The following C10orf143 variants were observed in gnomAD, a reference collection of about 807,000 sequenced individuals.
C10orf143 encodes the protein uncharacterized protein C10orf143.
intron 3 of C10orf143, among the ~76,000 whole-genome samples, chr10:130,042,289 G>A (rs545283563): frequency 4.6e-5 from 7 of 152,338 alleles, no homozygotes; most frequent in Admixed American, 3.9e-4. Context: ...CTTTCACGCC[G>A]TTTGTTAGCT....
Position 130,101,848 on chromosome 10 carries a change from TCAAAAAAAAAAAAAAC to T in C10orf143, c.69+8840_69+8855del, listed in dbSNP as rs1256456678. Among the ~76,000 whole-genome samples, 58 of 17,776 alleles carry T rather than the reference TCAAAAAAAAAAAAAAC, an allele frequency of 3.3e-3. 2 individuals carry two copies. The highest frequency in any genetic ancestry group is 0.021 in the South Asian group (7 of 340). The allele number at this position is 17,776 out of a possible 152,430, so 11.7% of individuals were successfully genotyped here. ...CCTGGTGACAGAGGGAGACTCTGTC[TCAAAAAAAAAAAAAAC>T]CAAAAAAAAAAAAAAAAAAAACTTT... On this transcript the variant is annotated intron_variant, in intron 1 of 3. Coordinates refer to ENST00000637128, the MANE Select transcript of C10orf143 (RefSeq NM_001355042.2).
chr10:130,107,551 A>ATTGGAT, intron 1 of C10orf143: 1 of 1,344,760 alleles, frequency 7.4e-7, no homozygotes, highest in Non-Finnish European at 1.1e-6. Flanking sequence ...ATCCTTATGT[A>ATTGGAT]CTTGATGTTC....
chr10:130,071,428 T>C (rs11816228), intron 3 of C10orf143, among the ~76,000 whole-genome samples: 5,223 of 152,274 alleles, frequency 0.034, 283 homozygotes, highest in African/African-American at 0.12. Context: ...TTTATATTTA[T>C]TGGCTATTTT....
intron 3 of C10orf143, among the ~76,000 whole-genome samples, chr10:130,055,668 G>A (rs1012357909): frequency 1.3e-5 from 2 of 152,106 alleles, no homozygotes; most frequent in Admixed American, 6.5e-5. Flanking sequence ...TCACCTGGCC[G>A]GGCACGGTGG....
intron 3 of C10orf143, among the ~76,000 whole-genome samples, chr10:130,043,998 A>G (rs1860637072): frequency 6.8e-6 from 1 of 147,154 alleles, no homozygotes; most frequent in Non-Finnish European, 1.5e-5. Flanking sequence ...CATGGCAGGG[A>G]GAGAGAGAGA....
chr10:130,062,765 T>C (rs146627498), downstream of C10orf143, among the ~76,000 whole-genome samples: 1 of 152,364 alleles, frequency 6.6e-6, no homozygotes, highest in Non-Finnish European at 1.5e-5. Context: ...CTTATCCTAT[T>C]CTGTCCCTCT....
rs530564054 is a variant in C10orf143 at position 130,083,720 on chromosome 10, C to G, written c.70-3819G>C. Among the ~76,000 whole-genome samples, 4 of 152,148 alleles carry G rather than the reference C, an allele frequency of 2.6e-5. No homozygotes were observed. In the East Asian group the frequency reaches 7.7e-4, roughly 29 times the overall value. On this transcript the variant is annotated intron_variant, in intron 1 of 3. Transcript: ENST00000637128. ...AATGGACACTATCTGCTCATTTCTG[C>G]AAAAGAAATACAGGAAGGATATTTG...
At chr10:130,096,214 G>C (rs939775484) in intron 1 of C10orf143, among the ~76,000 whole-genome samples, 2 of 152,148 alleles carry the variant, frequency 1.3e-5, no homozygotes, top group African/African-American at 2.4e-5. Flanking sequence ...CTGGTCATTA[G>C]AGAGATGCAA....
At chr10:130,059,520 G>A (rs1050382527), downstream of C10orf143, among the ~76,000 whole-genome samples, 1 of 152,114 alleles carries the variant, frequency 6.6e-6, no homozygotes, top group East Asian at 1.9e-4. Flanking sequence ...AGCAGTGTGT[G>A]GCATGCAAAT....
downstream of C10orf143, among the ~76,000 whole-genome samples, chr10:130,059,362 A>C (rs993626162): frequency 6.6e-6 from 1 of 152,216 alleles, no homozygotes; most frequent in Non-Finnish European, 1.5e-5. Flanking sequence ...ACTGGGAAAA[A>C]TATTTCCAAC....
intron 3 of C10orf143, among the ~76,000 whole-genome samples, chr10:130,037,074 A>G (rs949742473): frequency 6.6e-5 from 10 of 152,148 alleles, no homozygotes; most frequent in Admixed American, 4.6e-4. Flanking sequence ...GAATTGGACT[A>G]TTTTGGAAAG....
chr10:130,044,805 T>C (rs1236795276), intron 3 of C10orf143, among the ~76,000 whole-genome samples: 1 of 152,144 alleles, frequency 6.6e-6, no homozygotes, highest in African/African-American at 2.4e-5. Flanking sequence ...CCTTGCCACC[T>C]GTGTACCCCA....
chr10:130,051,039 A>C (rs554276262), intron 3 of C10orf143, among the ~76,000 whole-genome samples: 3 of 152,308 alleles, frequency 2.0e-5, no homozygotes, highest in African/African-American at 7.2e-5. Flanking sequence ...TCCACTGCTA[A>C]GCCAACTTGC....
chr10:130,041,752 T>G (rs1378444663), intron 3 of C10orf143, among the ~76,000 whole-genome samples: 3 of 152,154 alleles, frequency 2.0e-5, no homozygotes, highest in African/African-American at 7.2e-5. Context: ...AGGAAACACT[T>G]TCAGGACAAA....
intron 1 of C10orf143, among the ~76,000 whole-genome samples, chr10:130,093,674 C>T (rs1185248300): frequency 6.6e-6 from 1 of 151,992 alleles, no homozygotes; most frequent in African/African-American, 2.4e-5. Context: ...ACTAGCCAGA[C>T]TGATAAAGAA....
rs576619400 is a variant in C10orf143 at position 130,058,102 on chromosome 10, A to G, written c.297+21464T>C. ...AAATGATGTGGGCAGGCAATGTGCT[A>G]TAACAGTCCTGAGCATGGTCTGTGG... On this transcript the variant is annotated intron_variant and NMD_transcript_variant, in intron 3 of 5. Transcript: ENST00000643056. Among the ~76,000 whole-genome samples, 10 of 152,364 alleles carry G rather than the reference A, an allele frequency of 6.6e-5. No homozygotes were observed. The East Asian group carries it at 7.7e-4, about 12-fold the overall frequency.
At chr10:130,089,105 G>A (rs559022051) in intron 1 of C10orf143, among the ~76,000 whole-genome samples, 1 of 152,306 alleles carries the variant, frequency 6.6e-6, no homozygotes, top group South Asian at 2.1e-4. Context: ...AAGTAAGAGG[G>A]CAACTGAATT....
intron 3 of C10orf143, among the ~76,000 whole-genome samples, chr10:130,041,537 C>T (rs1008777590): frequency 1.3e-5 from 2 of 152,192 alleles, no homozygotes; most frequent in Non-Finnish European, 2.9e-5. Context: ...ATGTTGCCAA[C>T]TTGATAGTAA....
intron 1 of C10orf143, among the ~76,000 whole-genome samples, chr10:130,109,316 C>T (rs1320431501): frequency 6.6e-6 from 1 of 152,110 alleles, no homozygotes; most frequent in East Asian, 1.9e-4. Context: ...TAGCAGTGAG[C>T]CACCCTTGGC....
Sources: gnomAD v4.1 joint callset for allele counts (sites outside exome capture counted in the v4.1 genomes callset) on GRCh38, gnomAD v4.1.1 for gene constraint, MANE v1.5 for transcripts, NCBI Gene and HGNC (gene_info 2026-07-23, HGNC 2026-07-21) for gene names.